The following NKAIN2 variants were observed in gnomAD, a reference collection of about 807,000 sequenced individuals.
NKAIN2 encodes sodium/potassium transporting ATPase interacting 2, also known as sodium/potassium-transporting ATPase subunit beta-1-interacting protein 2.
In NKAIN2, 14 loss-of-function variants were observed where a neutral mutation model predicts 32.6. That is an observed-to-expected ratio of 0.43 (90% CI 0.28 to 0.67). The LOEUF (loss-of-function observed/expected upper bound fraction) is 0.67. Ranked by LOEUF, NKAIN2 falls within the 30% of genes least tolerant of loss-of-function variation. NKAIN2 has a pLI of 0.17. For synonymous variants in NKAIN2, 80 were observed against 87.2 expected (o/e 0.92, Z 0.46); for missense variants, 198 against 258.3 (o/e 0.77, Z 1.60).
At chr6:124,584,364 A>T (rs550987) in intron 3 of NKAIN2, among the ~76,000 whole-genome samples, 98,441 of 152,158 alleles carry the variant, frequency 0.65, 34,481 homozygotes, top group Non-Finnish European at 0.77. Flanking sequence ...AAAAGAAGAC[A>T]TATAAGGCCA....
intron 3 of NKAIN2, among the ~76,000 whole-genome samples, chr6:124,540,296 A>G (rs1779863794): frequency 6.6e-6 from 1 of 152,256 alleles, no homozygotes; most frequent in African/African-American, 2.4e-5. Flanking sequence ...ATGTACAGAT[A>G]GGAAATTAAA....
At chr6:124,740,431 T>C (rs1197990174) in intron 4 of NKAIN2, among the ~76,000 whole-genome samples, 5 of 129,922 alleles carry the variant, frequency 3.8e-5, no homozygotes, top group African/African-American at 8.6e-5. Flanking sequence ...AACATATATA[T>C]ATATACACAT....
chr6:124,116,726 G>A (rs563671523), intron 1 of NKAIN2, among the ~76,000 whole-genome samples: 13 of 152,056 alleles, frequency 8.5e-5, no homozygotes, highest in African/African-American at 3.1e-4. Context: ...CAAAACATCC[G>A]GTAACTTGTA....
intron 1 of NKAIN2, among the ~76,000 whole-genome samples, chr6:123,816,482 G>A (rs1315030202): frequency 6.6e-6 from 1 of 152,136 alleles, no homozygotes; most frequent in South Asian, 2.1e-4. Flanking sequence ...CAAAGTCCCC[G>A]GTGAAATTAG....
At chr6:124,026,777 C>T (rs1781132359) in intron 1 of NKAIN2, among the ~76,000 whole-genome samples, 1 of 152,162 alleles carries the variant, frequency 6.6e-6, no homozygotes, top group Non-Finnish European at 1.5e-5. Flanking sequence ...AAAACCGAAA[C>T]CTGACCCCAT....
intron 3 of NKAIN2, among the ~76,000 whole-genome samples, chr6:124,409,396 A>G (rs936194645): frequency 1.1e-4 from 17 of 152,114 alleles, no homozygotes; most frequent in Non-Finnish European, 2.5e-4. Flanking sequence ...GAGAGTTTTT[A>G]GCATGAAGGG....
At chr6:124,124,051 A>G (rs1252841043) in intron 1 of NKAIN2, among the ~76,000 whole-genome samples, 1 of 152,146 alleles carries the variant, frequency 6.6e-6, no homozygotes, top group Non-Finnish European at 1.5e-5. Flanking sequence ...TAGACGATGC[A>G]GCTATGATGC....
At chr6:123,814,447 G>C (rs7758950) in intron 1 of NKAIN2, among the ~76,000 whole-genome samples, 25,821 of 152,024 alleles carry the variant, frequency 0.17, 5,123 homozygotes, top group African/African-American at 0.48. Context: ...AGGCAAATAG[G>C]GTAAGTTCAG....
chr6:124,729,414 C>T (rs1039170060), intron 4 of NKAIN2, among the ~76,000 whole-genome samples: 2 of 151,768 alleles, frequency 1.3e-5, no homozygotes, highest in Non-Finnish European at 2.9e-5. Flanking sequence ...ATACACAAAT[C>T]AATAAATGTA....
intron 1 of NKAIN2, among the ~76,000 whole-genome samples, chr6:124,238,752 C>G (rs1273451966): frequency 6.6e-6 from 1 of 152,142 alleles, no homozygotes; most frequent in Non-Finnish European, 1.5e-5. Flanking sequence ...ACCACCAGGC[C>G]TGCCTTACAA....
chr6:124,312,775 G>A (rs1796777526), intron 2 of NKAIN2, among the ~76,000 whole-genome samples: 1 of 152,148 alleles, frequency 6.6e-6, no homozygotes, highest in African/African-American at 2.4e-5. Context: ...TAGACTGAGT[G>A]GGGGAAACCC....
At chr6:123,938,829 A>G (rs1210558085) in intron 1 of NKAIN2, among the ~76,000 whole-genome samples, 1 of 151,570 alleles carries the variant, frequency 6.6e-6, no homozygotes, top group Admixed American at 6.6e-5. Flanking sequence ...TTTGTGAAGG[A>G]ACAGTGGACA....
intron 3 of NKAIN2, among the ~76,000 whole-genome samples, chr6:124,421,095 CAT>C (rs1339120698): frequency 9.5e-6 from 1 of 105,126 alleles, no homozygotes; most frequent in Non-Finnish European, 2.1e-5. Flanking sequence ...AAAAAAAAAA[CAT>C]GTTTTCTCTC....
intron 4 of NKAIN2, among the ~76,000 whole-genome samples, chr6:124,782,761 TATTA>T (rs35757101): frequency 0.22 from 33,348 of 151,966 alleles, 4,418 homozygotes; most frequent in African/African-American, 0.37. Context: ...CTGTAGACAG[TATTA>T]ATTGTGTACA....
chr6:124,361,145 A>G (rs927784563), intron 3 of NKAIN2, among the ~76,000 whole-genome samples: 1 of 152,126 alleles, frequency 6.6e-6, no homozygotes, highest in Non-Finnish European at 1.5e-5. Flanking sequence ...GAAAGAAAAC[A>G]TATATAATAT....
intron 3 of NKAIN2, among the ~76,000 whole-genome samples, chr6:124,428,996 G>A (rs1775096350): frequency 6.6e-6 from 1 of 152,110 alleles, no homozygotes; most frequent in South Asian, 2.1e-4. Context: ...GAATATGAAT[G>A]TTGATATCCA....
intron 1 of NKAIN2, among the ~76,000 whole-genome samples, chr6:123,973,897 G>A (rs1778441442): frequency 2.6e-5 from 4 of 151,984 alleles, no homozygotes; most frequent in Admixed American, 2.6e-4. Flanking sequence ...TAGAGAATTT[G>A]TTCCAACGTA....
chr6:123,972,016 C>A (rs1778367546), intron 1 of NKAIN2, among the ~76,000 whole-genome samples: 1 of 152,128 alleles, frequency 6.6e-6, no homozygotes, highest in East Asian at 1.9e-4. Flanking sequence ...TTTCCCCTTC[C>A]CCAACCATTC....
At chr6:124,023,032 T>TTA (rs939412803) in intron 1 of NKAIN2, among the ~76,000 whole-genome samples, 63 of 150,542 alleles carry the variant, frequency 4.2e-4, no homozygotes, top group Middle Eastern at 3.5e-3. Flanking sequence ...TATGTATACT[T>TTA]TATATATATA....
Sources: allele counts gnomAD v4.1 joint callset (sites outside exome capture counted in the v4.1 genomes callset), GRCh38; gene constraint gnomAD v4.1.1; transcripts MANE v1.5; gene names NCBI Gene and HGNC (gene_info 2026-07-23, HGNC 2026-07-21).